Variants in ARFGEF3 observed in about 807,000 individuals in gnomAD.
The protein encoded by ARFGEF3 is ARFGEF family member 3.
A neutral mutation model predicts 221.7 loss-of-function variants in ARFGEF3; 96 were observed. That is an observed-to-expected ratio of 0.43 (90% CI 0.37 to 0.51). ARFGEF3 has a LOEUF of 0.51. Among genes scored for constraint, ARFGEF3 ranks in the 20% least tolerant of loss-of-function variants. ARFGEF3 has a pLI of 0.00. For synonymous variants in ARFGEF3, 1,145 were observed against 1,126.8 expected (o/e 1.02, Z -0.32); for missense variants, 2,410 against 2,789.9 (o/e 0.86, Z 3.07).
At chr6:138,260,714 A>G in intron 10 of ARFGEF3, among the ~76,000 whole-genome samples, 1 of 152,220 alleles carries the variant, frequency 6.6e-6, no homozygotes, top group East Asian at 1.9e-4. Context: ...GATTTTAAAA[A>G]GCAGAAAATG....
chr6:138,198,876 G>A (rs1030442803), intron 2 of ARFGEF3, among the ~76,000 whole-genome samples: 10 of 152,224 alleles, frequency 6.6e-5, no homozygotes, highest in Admixed American at 3.9e-4. Context: ...TGTGCCCTAC[G>A]CATAGTTGGT....
rs1320687278 is a variant in ARFGEF3 at position 138,341,109 on chromosome 6, GCAGTGT to G, written c.*4624_*4629del. The G allele has an allele frequency of 6.6e-6, 1 of 152,346 alleles. No homozygotes were observed. The highest frequency in any genetic ancestry group is 1.5e-5 in the Non-Finnish European group (1 of 68,204). The allele number at this position is 152,346 out of a possible 1,614,324, so 9.4% of individuals were successfully genotyped here. A position where few individuals can be genotyped will look rare whatever the true frequency, so the allele number is the denominator to read the frequency against. The stretch of plus-strand genomic sequence containing the variant: ...CCAGCTATTAACACAGAAGAACATG[GCAGTGT>G]GTGTCTGGAACGGCATGCACAATTT... On this transcript the variant is annotated 3_prime_UTR_variant, in exon 34 of 34. Coordinates refer to ENST00000251691, the MANE Select transcript of ARFGEF3 (RefSeq NM_020340.5).
Position 138,280,052 on chromosome 6 carries a change from G to T in ARFGEF3, c.2349G>T (p.Gln783His). 6.2e-7 allele frequency: 1 copy of T among 1,613,898 alleles called. No individual in the cohort carries two copies. ...GCGGCGTGCTGATGGTCTTCTCTCA[G>T]GCCTGGATTGAGGAGCTCTACCATC... is the stretch of plus-strand genomic sequence containing the variant. ...QTSGVLMVFSQAWIEELYHQV... is the reference protein window; with the variant it reads ...QTSGVLMVFSHAWIEELYHQV... The change falls in exon 14 of 34, where the codon CAG (glutamine) becomes CAT (histidine). Residue 783 changes from glutamine (Q) to histidine (H), a missense_variant. Coordinates refer to ENST00000251691, the MANE Select transcript of ARFGEF3 (RefSeq NM_020340.5).
At chr6:138,217,807 A>G (rs1777899464) in intron 4 of ARFGEF3, 1 of 863,462 alleles carries the variant, frequency 1.2e-6, no homozygotes, top group South Asian at 2.8e-5. Flanking sequence ...ATTGAGAAAG[A>G]TCAACATGGG....
intron 2 of ARFGEF3, among the ~76,000 whole-genome samples, chr6:138,176,092 A>G (rs1255459405): frequency 2.6e-5 from 4 of 151,962 alleles, no homozygotes; most frequent in South Asian, 2.1e-4. Context: ...TTTGCATGGA[A>G]TATCTTTTCC....
chr6:138,171,414 C>G (rs1776827718), intron 2 of ARFGEF3, among the ~76,000 whole-genome samples: 2 of 152,138 alleles, frequency 1.3e-5, no homozygotes, highest in African/African-American at 4.8e-5. Flanking sequence ...GGCATGCACC[C>G]CTACACTAGG....
intron 17 of ARFGEF3, among the ~76,000 whole-genome samples, chr6:138,288,220 C>T (rs746021483): frequency 1.3e-5 from 2 of 151,886 alleles, no homozygotes; most frequent in East Asian, 3.9e-4. Context: ...CCTGTCTCTA[C>T]TAAAAATACA....
At chr6:138,163,108 T>C (rs1396187844) in intron 1 of ARFGEF3, among the ~76,000 whole-genome samples, 1 of 152,194 alleles carries the variant, frequency 6.6e-6, no homozygotes, top group African/African-American at 2.4e-5. Context: ...GTGTGTGCTT[T>C]GATGCAGCCT....
intron 5 of ARFGEF3, among the ~76,000 whole-genome samples, chr6:138,234,476 G>T (rs745945426): frequency 9.9e-6 from 1 of 100,724 alleles, no homozygotes; most frequent in African/African-American, 6.0e-5. Context: ...AGTTCACCCC[G>T]TGTGTGTGTG....
intron 29 of ARFGEF3, among the ~76,000 whole-genome samples, chr6:138,323,039 G>A (rs1246376251): frequency 6.6e-6 from 1 of 151,682 alleles, no homozygotes; most frequent in African/African-American, 2.4e-5. Flanking sequence ...TAAGAGTTTG[G>A]GGTTTGGTTT....
chr6:138,319,157 G>A (rs1287667204), intron 27 of ARFGEF3, among the ~76,000 whole-genome samples: 4 of 144,674 alleles, frequency 2.8e-5, no homozygotes, highest in African/African-American at 7.7e-5. Flanking sequence ...TCACAATGTC[G>A]CCCAAGCTAG....
At chr6:138,266,865 A>AAAAAAAAAAAAAAT in intron 12 of ARFGEF3, among the ~76,000 whole-genome samples, 1 of 150,758 alleles carries the variant, frequency 6.6e-6, no homozygotes, top group Admixed American at 6.6e-5. Context: ...AAAAAAAAAA[A>AAAAAAAAAAAAAAT]GATGTGCAAT....
intron 12 of ARFGEF3, among the ~76,000 whole-genome samples, chr6:138,278,250 A>T (rs1283361080): frequency 6.6e-6 from 1 of 152,196 alleles, no homozygotes; most frequent in East Asian, 1.9e-4. Context: ...GCCCAGGCAG[A>T]TCCACTCCTG....
chr6:138,209,814 A>G (rs1420008361), intron 3 of ARFGEF3, 96 bp from the exon 4 acceptor site: 1 of 1,469,618 alleles, frequency 6.8e-7, no homozygotes, highest in African/African-American at 1.4e-5. Flanking sequence ...ACGCCTCCCC[A>G]GTAAGAAAAC....
intron 17 of ARFGEF3, among the ~76,000 whole-genome samples, chr6:138,288,840 G>A (rs544942624): frequency 6.6e-6 from 1 of 152,346 alleles, no homozygotes; most frequent in African/African-American, 2.4e-5. Context: ...CCTACCACAT[G>A]CAATGACTTG....
chr6:138,254,007 CCGACGCTGATGCCA>C, intron 9 of ARFGEF3, 23 bp downstream of exon 9: 1 of 1,498,524 alleles, frequency 6.7e-7, no homozygotes, highest in Non-Finnish European at 8.9e-7. Flanking sequence ...TCCTGACGCC[CCGACGCTGATGCCA>C]ACCCAAGGGC....
chr6:138,336,657 C>T lies in ARFGEF3; in HGVS notation c.*171C>T. The stretch of plus-strand genomic sequence containing the variant: ...TTCCAACCACTGATCAGCATTGGGG[C>T]CATACTAAGGTTTGTATCTAGATGA... On this transcript the variant is annotated 3_prime_UTR_variant, in exon 34 of 34. Coordinates refer to ENST00000251691, the MANE Select transcript of ARFGEF3 (RefSeq NM_020340.5). 1 of 495,348 alleles carries T rather than the reference C, an allele frequency of 2.0e-6. No homozygotes were observed. Among genetic ancestry groups the T allele is most frequent in the East Asian group, 3.4e-5 (1 of 29,126 alleles). 30.7% of individuals were successfully genotyped at this position (495,348 alleles called of 1,614,324 possible).
intron 8 of ARFGEF3, among the ~76,000 whole-genome samples, chr6:138,253,646 TC>T (rs1277408507): frequency 2.6e-5 from 4 of 152,190 alleles, no homozygotes; most frequent in Non-Finnish European, 4.4e-5. Flanking sequence ...TCTGACTTGA[TC>T]ACCTCTGCAA....
Position 138,335,060 on chromosome 6 carries a change from G to A in ARFGEF3, c.6214G>A (p.Asp2072Asn), listed in dbSNP as rs1281060729. 1.9e-6 allele frequency: 3 copies of A among 1,599,384 alleles called. No homozygotes were observed. Among genetic ancestry groups the A allele is most frequent in the Admixed American group, 3.5e-5 (2 of 57,888 alleles). The change falls in exon 33 of 34, where the codon GAC becomes AAC. Residue 2072 changes from aspartate to asparagine, a missense_variant. Asp to Asn is a conservative substitution (Grantham distance 23). Around this residue, in one of 5 missense-constraint regions of ARFGEF3, gnomAD observed 339 missense variants for 334.9 expected, o/e 1.01. Coordinates refer to ENST00000251691, the MANE Select transcript of ARFGEF3 (RefSeq NM_020340.5). ...PLLQRPQHLMDQGQMRHSFSA... is the reference protein window; with the variant it reads ...PLLQRPQHLMNQGQMRHSFSA... ...GCTTCAGCGTCCCCAGCACTTGATG[G>A]ACCAAGGGCAAATGCGGCATTCCTT... is the stretch of plus-strand genomic sequence containing the variant.
Sources: gnomAD v4.1 joint callset for allele counts (sites outside exome capture counted in the v4.1 genomes callset) on GRCh38, gnomAD v4.1.1 for gene constraint, gnomAD v4.1.1 regional missense constraint, MANE v1.5 for transcripts, NCBI Gene and HGNC (gene_info 2026-07-23, HGNC 2026-07-21) for gene names.